The following MAP3K5 variants were observed in gnomAD, a reference collection of about 807,000 sequenced individuals.
MAP3K5 encodes mitogen-activated protein kinase kinase kinase 5.
In MAP3K5, 56 loss-of-function variants were observed where a neutral mutation model predicts 158.7. The observed-to-expected ratio is 0.35, with a 90% CI of 0.28 to 0.44. MAP3K5 has a LOEUF of 0.44. Among genes scored for constraint, MAP3K5 ranks in the 20% least tolerant of loss-of-function variants. MAP3K5 has a pLI of 1.00. For missense variants in MAP3K5, 1,294 were observed against 1,674.8 expected (o/e 0.77, Z 3.97); for synonymous variants, 579 against 601.7 (o/e 0.96, Z 0.55).
At chr6:136,672,554 G>C (rs1214403666) in intron 7 of MAP3K5, among the ~76,000 whole-genome samples, 1 of 152,192 alleles carries the variant, frequency 6.6e-6, no homozygotes, top group East Asian at 1.9e-4. Flanking sequence ...TTTCTTCACA[G>C]GACATTCGTT....
chr6:136,711,093 A>T (rs998874885), intron 2 of MAP3K5, among the ~76,000 whole-genome samples: 1 of 152,170 alleles, frequency 6.6e-6, no homozygotes, highest in Non-Finnish European at 1.5e-5. Context: ...TAGAGCCGTG[A>T]CACAGAGTCT....
At chr6:136,688,419 AT>A (rs1421518697) in intron 7 of MAP3K5, among the ~76,000 whole-genome samples, 1 of 152,122 alleles carries the variant, frequency 6.6e-6, no homozygotes, top group Non-Finnish European at 1.5e-5. Flanking sequence ...TTAAAGTATA[AT>A]TTAAAAAAAA....
At chr6:136,596,746 C>G (rs74907123) in intron 21 of MAP3K5, among the ~76,000 whole-genome samples, 1 of 152,112 alleles carries the variant, frequency 6.6e-6, no homozygotes, top group Non-Finnish European at 1.5e-5. Flanking sequence ...TTGCTTTATA[C>G]GTTTGTGGTG....
intron 10 of MAP3K5, among the ~76,000 whole-genome samples, chr6:136,654,370 C>T (rs1778651572): frequency 1.3e-5 from 2 of 152,184 alleles, no homozygotes; most frequent in South Asian, 4.1e-4. Flanking sequence ...ACTTAATTTG[C>T]ATTTTCTTGA....
At chr6:136,740,009 C>T (rs1197583944) in intron 1 of MAP3K5, among the ~76,000 whole-genome samples, 2 of 152,102 alleles carry the variant, frequency 1.3e-5, no homozygotes, top group African/African-American at 2.4e-5. Context: ...GGCTTGGCCC[C>T]GGGGCTTCCA....
At chr6:136,782,216 A>G (rs9494568) in intron 1 of MAP3K5, among the ~76,000 whole-genome samples, 100,048 of 150,954 alleles carry the variant, frequency 0.66, 33,530 homozygotes, top group African/African-American at 0.77. Flanking sequence ...GGAGTTAGAG[A>G]CTGCAGTGAG....
chr6:136,780,869 G>A (rs886687766), intron 1 of MAP3K5, among the ~76,000 whole-genome samples: 9 of 152,052 alleles, frequency 5.9e-5, no homozygotes, highest in East Asian at 3.8e-4. Flanking sequence ...AATGTAGGTC[G>A]TTCCTCCTGA....
intron 8 of MAP3K5, among the ~76,000 whole-genome samples, chr6:136,661,246 A>G (rs1427660518): frequency 6.6e-6 from 1 of 152,208 alleles, no homozygotes; most frequent in Non-Finnish European, 1.5e-5. Context: ...CACTCAAACC[A>G]CAAGTATTTC....
At chr6:136,783,131 C>T (rs1784687612) in intron 1 of MAP3K5, among the ~76,000 whole-genome samples, 1 of 152,054 alleles carries the variant, frequency 6.6e-6, no homozygotes. Context: ...TGGTAAAACC[C>T]CATCTCTACA....
In MAP3K5 at chr6:136,656,341, G is replaced by A. The variant is rs776848475; in HGVS notation, c.1646C>T (p.Ala549Val). ...AACCACAGTAACATCTGTCTTTGTGGCCTCGACCAGGAAATCCATCCAAAA... is the reference window on the plus strand; with the variant it reads ...AACCACAGTAACATCTGTCTTTGTGACCTCGACCAGGAAATCCATCCAAAA... Reference protein sequence around the residue: ...VDFWMDFLVEATKTDVTVVRF... With the variant: ...VDFWMDFLVEVTKTDVTVVRF... Residue 549 changes from alanine (A) to valine (V), a missense_variant, in exon 10 of 30, where the codon GCC becomes GTC. Around this residue, in one of 5 missense-constraint regions of MAP3K5, gnomAD observed 690 missense variants for 870.5 expected, o/e 0.79. Transcript: ENST00000359015. 2 of 1,613,918 alleles carry A rather than the reference G, an allele frequency of 1.2e-6. No homozygotes were observed. The highest frequency in any genetic ancestry group is 1.7e-5 in the Admixed American group (1 of 60,012).
At chr6:136,781,126 G>C (rs1784597153) in intron 1 of MAP3K5, among the ~76,000 whole-genome samples, 1 of 152,190 alleles carries the variant, frequency 6.6e-6, no homozygotes, top group Non-Finnish European at 1.5e-5. Context: ...GGAAAGAACT[G>C]TCCCCAGGCT....
chr6:136,636,845 T>A (rs943302151), intron 14 of MAP3K5: 10 of 987,150 alleles, frequency 1.0e-5, no homozygotes, highest in Non-Finnish European at 1.2e-5. Flanking sequence ...TAGACATTAA[T>A]AAAAGGATTC....
Position 136,651,970 on chromosome 6 carries a change from A to G in MAP3K5, c.1681-879T>C, listed in dbSNP as rs77491909. Among the ~76,000 whole-genome samples, 305 of 152,304 alleles carry G rather than the reference A, an allele frequency of 2.0e-3. 8 individuals carry two copies. In the East Asian group the frequency reaches 0.048, roughly 24 times the overall value. On this transcript the variant is annotated intron_variant, in intron 10 of 29. Transcript: ENST00000359015. Reference sequence around the variant, plus strand: ...GGCAGACTTCACTAGGAATGTTTAAAAAAAGAAAAGTCAATACTTAACTAT... The same window carrying G: ...GGCAGACTTCACTAGGAATGTTTAAGAAAAGAAAAGTCAATACTTAACTAT...
intron 1 of MAP3K5, among the ~76,000 whole-genome samples, chr6:136,732,254 G>A (rs2327759): frequency 2.6e-5 from 4 of 151,682 alleles, no homozygotes; most frequent in African/African-American, 4.8e-5. Flanking sequence ...GTGAAATACC[G>A]TCTCTACCAA....
At chr6:136,714,725 G>A (rs980961459) in intron 2 of MAP3K5, among the ~76,000 whole-genome samples, 2 of 152,106 alleles carry the variant, frequency 1.3e-5, no homozygotes, top group Admixed American at 1.3e-4. Flanking sequence ...ATATCCAGAA[G>A]TGGAATTGCT....
At chr6:136,558,403 C>G (rs1562503901) in intron 29 of MAP3K5, among the ~76,000 whole-genome samples, 3 of 151,746 alleles carry the variant, frequency 2.0e-5, no homozygotes, top group African/African-American at 7.3e-5. Flanking sequence ...AAGTTATATG[C>G]TTGGCCTTAA....
At chr6:136,784,112 G>A (rs900155537) in intron 1 of MAP3K5, among the ~76,000 whole-genome samples, 9 of 152,176 alleles carry the variant, frequency 5.9e-5, no homozygotes, top group Admixed American at 3.9e-4. Context: ...TGTGTTATGC[G>A]CTTATATAAT....
At chr6:136,566,420 A>C (rs2129069640) in intron 26 of MAP3K5, among the ~76,000 whole-genome samples, 1 of 122,682 alleles carries the variant, frequency 8.2e-6, no homozygotes, top group Non-Finnish European at 2.0e-5. Context: ...TCCAAAAAAC[A>C]CCACCACTCA....
chr6:136,672,495 G>A (rs1779525611), intron 7 of MAP3K5, among the ~76,000 whole-genome samples: 1 of 152,146 alleles, frequency 6.6e-6, no homozygotes, highest in Non-Finnish European at 1.5e-5. Flanking sequence ...CAATTGCGTG[G>A]TTTGGCACGA....
Sources: gnomAD v4.1 joint callset for allele counts (sites outside exome capture counted in the v4.1 genomes callset) on GRCh38, gnomAD v4.1.1 for gene constraint, gnomAD v4.1.1 regional missense constraint, MANE v1.5 for transcripts, NCBI Gene and HGNC (gene_info 2026-07-23, HGNC 2026-07-21) for gene names.